Variants in AAMDC observed in about 807,000 individuals in gnomAD.
The protein encoded by AAMDC is mth938 domain-containing protein.
A neutral mutation model predicts 15.5 loss-of-function variants in AAMDC; 16 were observed. The observed-to-expected ratio is 1.03, with a 90% CI of 0.70 to 1.57. AAMDC has a LOEUF of 1.57. Among genes scored for constraint, AAMDC ranks in the 40% most tolerant of loss-of-function variants. The pLI, the probability that AAMDC is intolerant of heterozygous loss-of-function variation, is 0.00. For synonymous variants in AAMDC, 51 were observed against 51.6 expected, an observed-to-expected ratio of 0.99 and a Z score of 0.05; for missense variants, 141 against 144.9, an observed-to-expected ratio of 0.97 and a Z score of 0.14.
At chr11:77,885,207 A>C (rs1951952712) in intron 5 of AAMDC, among the ~76,000 whole-genome samples, 1 of 151,830 alleles carries the variant, frequency 6.6e-6, no homozygotes, top group Admixed American at 6.6e-5. Context: ...CCTCCCAAGT[A>C]GCTGGGATTA....
In AAMDC at chr11:77,830,452, C is replaced by T. The variant is rs368365402; in HGVS notation, c.-19+9211C>T. On this transcript the variant is annotated intron_variant, in intron 1 of 3. Transcript: ENST00000393427. ...GAAGAATGCAGTCTTACAAACCTGCCGTGAATCAAACTGCTGACGACACCC... is the reference window on the plus strand; with the variant it reads ...GAAGAATGCAGTCTTACAAACCTGCTGTGAATCAAACTGCTGACGACACCC... Among the ~76,000 whole-genome samples, 131 of 151,988 alleles carry T rather than the reference C, an allele frequency of 8.6e-4. 2 individuals carry two copies. The South Asian group carries it at 0.026, about 30-fold the overall frequency.
chr11:77,884,089 G>A, intron 5 of AAMDC: 1 of 777,424 alleles, frequency 1.3e-6, no homozygotes, highest in South Asian at 1.7e-5. Flanking sequence ...CTTGGGGGTA[G>A]GTCAACACTG....
At position 77,868,337 on chromosome 11, in the gene AAMDC, G is replaced by A. The variant is rs527940179; in HGVS notation, c.133-1385G>A. On this transcript the variant is annotated intron_variant, in intron 2 of 3. Coordinates refer to ENST00000393427, the MANE Select transcript of AAMDC (RefSeq NM_024684.4). Reference sequence around the variant, plus strand: ...CCCAAAGTGCTGGGATTACAGGTGTGAGCCACCACGCCCAGCCGCCTTTTT... The same window carrying A: ...CCCAAAGTGCTGGGATTACAGGTGTAAGCCACCACGCCCAGCCGCCTTTTT... Among the ~76,000 whole-genome samples, 4 of 148,506 alleles carry A rather than the reference G, an allele frequency of 2.7e-5. No individual in the cohort carries two copies. In the East Asian group the frequency reaches 6.0e-4, roughly 22 times the overall value.
chr11:77,902,512 C>T (rs1262142441), downstream of AAMDC, among the ~76,000 whole-genome samples: 4 of 152,148 alleles, frequency 2.6e-5, no homozygotes, highest in African/African-American at 9.7e-5. Flanking sequence ...ATCAGAGGAT[C>T]TGGTCTCAAG....
At chr11:77,873,815 C>T (rs370110282), downstream of AAMDC, among the ~76,000 whole-genome samples, 7 of 152,314 alleles carry the variant, frequency 4.6e-5, no homozygotes, top group South Asian at 2.1e-4. Context: ...TGAAAAAACA[C>T]TTACTTGGCA....
intron 5 of AAMDC, among the ~76,000 whole-genome samples, chr11:77,878,449 A>G (rs1951668225): frequency 6.6e-6 from 1 of 152,156 alleles, no homozygotes; most frequent in South Asian, 2.1e-4. Context: ...TGCATTAGGG[A>G]AGAGGCTTCT....
intron 1 of AAMDC, among the ~76,000 whole-genome samples, chr11:77,832,951 ATGTGTGTGTGTGTGTGTGTG>A (rs146936151): frequency 1.1e-3 from 73 of 68,374 alleles, no homozygotes; most frequent in Admixed American, 1.5e-3. Flanking sequence ...GTATATATAT[ATGTGTGTGTGTGTGTGTGTG>A]TGTGTGTGTG....
chr11:77,855,493 C>CT (rs750051304), intron 2 of AAMDC: 383 of 191,392 alleles, frequency 2.0e-3, no homozygotes, highest in South Asian at 6.4e-3. Flanking sequence ...GTAACTTTTT[C>CT]TTTTTTTTTG....
intron 5 of AAMDC, among the ~76,000 whole-genome samples, chr11:77,886,635 C>G (rs1356807367): frequency 6.6e-6 from 1 of 152,150 alleles, no homozygotes; most frequent in African/African-American, 2.4e-5. Context: ...TCCAGCGAAA[C>G]CACAGCCAAG....
At chr11:77,836,880 G>A (rs1405275702) in intron 1 of AAMDC, among the ~76,000 whole-genome samples, 17 of 152,060 alleles carry the variant, frequency 1.1e-4, no homozygotes, top group Admixed American at 3.3e-4. Flanking sequence ...CAGGAGAATC[G>A]CTTGAACCCG....
intron 3 of AAMDC, among the ~76,000 whole-genome samples, chr11:77,870,466 A>G (rs1176353610): frequency 6.8e-6 from 1 of 147,486 alleles, no homozygotes; most frequent in Admixed American, 7.0e-5. Context: ...CCTCCCGAGT[A>G]GCTGGGACTA....
At chr11:77,830,613 G>A (rs776133623) in intron 1 of AAMDC, among the ~76,000 whole-genome samples, 1 of 151,712 alleles carries the variant, frequency 6.6e-6, no homozygotes, top group Non-Finnish European at 1.5e-5. Flanking sequence ...TTTGTCTCTT[G>A]TCTTTTATTC....
chr11:77,866,513 CTG>C (rs906948473), intron 2 of AAMDC: 1 of 152,196 alleles, frequency 6.6e-6, no homozygotes, highest in African/African-American at 2.4e-5. Flanking sequence ...GTACATGACA[CTG>C]TGAGCCTGCA....
At chr11:77,838,840 T>C (rs1370331197) in intron 1 of AAMDC, among the ~76,000 whole-genome samples, 3 of 152,048 alleles carry the variant, frequency 2.0e-5, no homozygotes, top group Non-Finnish European at 4.4e-5. Flanking sequence ...ATGGTCTCAA[T>C]CTCCTGACCT....
Position 77,846,075 on chromosome 11 carries a change from C to T in AAMDC, c.132+3447C>T, listed in dbSNP as rs117387076. Among the ~76,000 whole-genome samples, 216 of 152,116 alleles carry T rather than the reference C, an allele frequency of 1.4e-3. 1 individual carries two copies. The highest frequency in any genetic ancestry group is 1.6e-3 in the Non-Finnish European group (111 of 67,998). On this transcript the variant is annotated intron_variant, in intron 2 of 3. Coordinates refer to ENST00000393427, the MANE Select transcript of AAMDC (RefSeq NM_024684.4). Reference sequence around the variant, plus strand: ...GCAACACCGGAAATCAACTCCCCCTCCCATTCTGAGGGTTTGTTGTTGCTA... The same window carrying T: ...GCAACACCGGAAATCAACTCCCCCTTCCATTCTGAGGGTTTGTTGTTGCTA...
intron 5 of AAMDC, chr11:77,878,742 G>A (rs1479566625): frequency 1.4e-5 from 10 of 695,088 alleles, no homozygotes; most frequent in Non-Finnish European, 2.3e-5. Flanking sequence ...CAACTTTATT[G>A]TGGACAGGAG....
At chr11:77,832,846 A>G (rs1182920241) in intron 1 of AAMDC, among the ~76,000 whole-genome samples, 1 of 151,756 alleles carries the variant, frequency 6.6e-6, no homozygotes, top group Non-Finnish European at 1.5e-5. Context: ...TTTTGGCACA[A>G]GGGACCAGTA....
At chr11:77,832,949 A>ATGTG (rs1285153891) in intron 1 of AAMDC, among the ~76,000 whole-genome samples, 5 of 96,316 alleles carry the variant, frequency 5.2e-5, no homozygotes, top group East Asian at 3.1e-4. Context: ...TTGTATATAT[A>ATGTG]TATGTGTGTG....
At chr11:77,895,013 G>C (rs1201919143) in intron 5 of AAMDC, among the ~76,000 whole-genome samples, 1 of 152,172 alleles carries the variant, frequency 6.6e-6, no homozygotes, top group Non-Finnish European at 1.5e-5. Context: ...AAATTCCTGT[G>C]CAAGAGGGGA....
Sources: gnomAD v4.1 joint callset for allele counts (sites outside exome capture counted in the v4.1 genomes callset) on GRCh38, gnomAD v4.1.1 for gene constraint, MANE v1.5 for transcripts, NCBI Gene and HGNC (gene_info 2026-07-23, HGNC 2026-07-21) for gene names.